The following DYNC2H1 variants were observed in gnomAD, a reference collection of about 807,000 sequenced individuals.
The protein encoded by DYNC2H1 is cytoplasmic dynein 2 heavy chain 1.
Under a neutral mutation model 570.0 loss-of-function variants are expected in DYNC2H1, and 410 were observed. The observed-to-expected ratio is 0.72, with a 90% CI of 0.66 to 0.78. The LOEUF (loss-of-function observed/expected upper bound fraction) is 0.78, where lower values mean the gene tolerates loss of function less well. DYNC2H1 is among the 30% of genes least tolerant of loss of function. DYNC2H1 has a pLI of 0.00. For missense variants in DYNC2H1, 4,865 were observed against 5,046.4 expected, an observed-to-expected ratio of 0.96 and a Z score of 1.09; for synonymous variants, 1,688 against 1,677.6, an observed-to-expected ratio of 1.01 and a Z score of -0.15.
At chr11:103,418,252 ACTATCAT>A (rs1387622016) in intron 84 of DYNC2H1, among the ~76,000 whole-genome samples, 2 of 152,164 alleles carry the variant, frequency 1.3e-5, no homozygotes, top group Non-Finnish European at 2.9e-5. Context: ...TGCAGAGGAT[ACTATCAT>A]CTATTTACAA....
chr11:103,354,287 C>G lies in DYNC2H1; in HGVS notation c.12040-3956C>G, dbSNP rs545590858. 7.9e-4 allele frequency among the ~76,000 whole-genome samples: 118 copies of G among 149,990 alleles called. 1 individual carries two copies. The highest frequency in any genetic ancestry group is 2.7e-3 in the African/African-American group (112 of 40,916). On this transcript the variant is annotated intron_variant, in intron 82 of 88. Transcript: ENST00000375735. Reference sequence around the variant, plus strand: ...ACCCTTGTTTGCATTCTTTTAGATTCATTTTTCCCCTTTTTAAAAAAATTC... The same window carrying G: ...ACCCTTGTTTGCATTCTTTTAGATTGATTTTTCCCCTTTTTAAAAAAATTC...
intron 84 of DYNC2H1, among the ~76,000 whole-genome samples, chr11:103,417,076 G>A (rs750584033): frequency 1.2e-4 from 19 of 152,082 alleles, no homozygotes; most frequent in Non-Finnish European, 1.9e-4. Flanking sequence ...ACCACAATGA[G>A]ATACCATCTC....
Position 103,282,214 on chromosome 11 carries a change from CAT to C in DYNC2H1, c.10798_10799del (p.Met3600ValfsTer5), listed in dbSNP as rs1565459834. The C allele has an allele frequency of 4.4e-6, 7 of 1,608,016 alleles. No individual in the cohort carries two copies. The highest frequency in any genetic ancestry group is 1.1e-5 in the South Asian group (1 of 89,534). ...CGTTTACAGGTGTGGTTGTTGGAGA[CAT>C]GTTACGGAAAGCTGTAAGTTAAAAT... is the stretch of plus-strand genomic sequence containing the variant. The part of the protein sequence containing the change: ...DTFTGVVVGD[M>X]LRKADSQQKI... On this transcript the variant is annotated frameshift_variant, in exon 72 of 89. Coordinates refer to ENST00000375735, the MANE Select transcript of DYNC2H1 (RefSeq NM_001377.3). LOFTEE classifies it high-confidence loss of function.
intron 82 of DYNC2H1, among the ~76,000 whole-genome samples, chr11:103,328,658 A>G (rs1422455134): frequency 6.6e-6 from 1 of 152,228 alleles, no homozygotes; most frequent in African/African-American, 2.4e-5. Context: ...ACATACATTC[A>G]AGGCAATGAC....
intron 82 of DYNC2H1, among the ~76,000 whole-genome samples, chr11:103,356,692 CAA>C (rs984789147): frequency 6.6e-6 from 1 of 151,526 alleles, no homozygotes; most frequent in Non-Finnish European, 1.5e-5. Context: ...ATCAGAAAAA[CAA>C]AAAAAATCAA....
intron 47 of DYNC2H1, among the ~76,000 whole-genome samples, chr11:103,193,154 G>A (rs1340106635): frequency 6.6e-6 from 1 of 152,166 alleles, no homozygotes; most frequent in Non-Finnish European, 1.5e-5. Flanking sequence ...CTGAGTTTTT[G>A]AATCAGGAAA....
chr11:103,131,332 C>T (rs756116076), intron 13 of DYNC2H1, among the ~76,000 whole-genome samples: 31 of 151,860 alleles, frequency 2.0e-4, no homozygotes, highest in South Asian at 4.2e-4. Flanking sequence ...CTAGCTCTGT[C>T]GCCCAGGCTG....
chr11:103,384,140 A>C (rs568848254), intron 83 of DYNC2H1, among the ~76,000 whole-genome samples: 2 of 152,260 alleles, frequency 1.3e-5, no homozygotes, highest in East Asian at 3.9e-4. Flanking sequence ...TTTATCCTTT[A>C]GTGTAAAATG....
intron 63 of DYNC2H1, 42 bp downstream of exon 63, chr11:103,236,581 T>G: frequency 9.3e-7 from 1 of 1,072,480 alleles, no homozygotes; most frequent in African/African-American, 1.6e-5. Context: ...AATGTTTTAT[T>G]GTCAAGCTTG....
intron 88 of DYNC2H1, among the ~76,000 whole-genome samples, chr11:103,471,815 A>G (rs181369973): frequency 9.2e-5 from 14 of 152,260 alleles, no homozygotes; most frequent in African/African-American, 3.4e-4. Flanking sequence ...AGAGTGCTAC[A>G]GTTCGGAATC....
intron 83 of DYNC2H1, among the ~76,000 whole-genome samples, chr11:103,396,354 C>G (rs1180874620): frequency 6.6e-6 from 1 of 152,152 alleles, no homozygotes; most frequent in African/African-American, 2.4e-5. Flanking sequence ...CCCAGTCATA[C>G]CTATTTGTTT....
At chr11:103,396,630 A>G (rs1226624697) in intron 83 of DYNC2H1, among the ~76,000 whole-genome samples, 1 of 152,192 alleles carries the variant, frequency 6.6e-6, no homozygotes, top group African/African-American at 2.4e-5. Context: ...ATAGTATCCC[A>G]CCTAGGAAAT....
intron 75 of DYNC2H1, among the ~76,000 whole-genome samples, chr11:103,301,725 C>T (rs964727389): frequency 2.0e-5 from 3 of 151,798 alleles, no homozygotes; most frequent in African/African-American, 4.8e-5. Flanking sequence ...CTGCTTTAGG[C>T]GTGAAATGTA....
At chr11:103,291,981 G>T (rs1206476938) in intron 75 of DYNC2H1, among the ~76,000 whole-genome samples, 1 of 152,056 alleles carries the variant, frequency 6.6e-6, no homozygotes, top group African/African-American at 2.4e-5. Flanking sequence ...GCAGCATAAA[G>T]TTGGGTCTTA....
intron 83 of DYNC2H1, among the ~76,000 whole-genome samples, chr11:103,360,333 A>G (rs576506941): frequency 6.6e-6 from 1 of 152,266 alleles, no homozygotes; most frequent in East Asian, 1.9e-4. Flanking sequence ...TTCAAATTTC[A>G]GTTCTAGAAC....
chr11:103,191,642 T>TTGTGTGTG (rs146014868), intron 46 of DYNC2H1, 23 bp downstream of exon 46: 623 of 1,368,382 alleles, frequency 4.6e-4, no homozygotes, highest in South Asian at 3.2e-3. Context: ...AGTGTGTATC[T>TTGTGTGTG]TGTGTGTGTG....
At position 103,286,319 on chromosome 11, in the gene DYNC2H1, A is replaced by C. The variant is rs745840077; in HGVS notation, c.10955A>C (p.Tyr3652Ser). The C allele has an allele frequency of 1.9e-6, 3 of 1,613,818 alleles. No homozygotes were observed. Among genetic ancestry groups the C allele is most frequent in the Non-Finnish European group, 2.5e-6 (3 of 1,179,784 alleles). The part of the protein sequence containing the change: ...FEDAALWRTY[Y>S]NNSMCEQEFP... ...GATGCAGCTCTGTGGCGTACTTATT[A>C]TAATAATTCAATGTGTGAGCAAGAG... Residue 3652 changes from tyrosine (Y) to serine (S), a missense_variant, in exon 74 of 89, where the codon TAT (tyrosine) becomes TCT (serine). Tyr to Ser is a moderately radical substitution (Grantham distance 144). Coordinates refer to ENST00000375735, the MANE Select transcript of DYNC2H1 (RefSeq NM_001377.3).
Position 103,189,816 on chromosome 11 carries a change from G to T in DYNC2H1, c.7437G>T (p.Gln2479His). 6.3e-7 allele frequency: 1 copy of T among 1,592,072 alleles called. No individual in the cohort carries two copies. ...GATCTATGGTACAAGTGTATGAACA[G>T]GTAGATATGCATCTAAATTGTAGCT... ...LAGSMVQVYEQVRAKFTVDDY... is the reference protein window; with the variant it reads ...LAGSMVQVYEHVRAKFTVDDY... The change falls in exon 45 of 89, where the codon CAG (glutamine) becomes CAT (histidine). Residue 2479 changes from glutamine (Q) to histidine (H), a missense_variant and splice_region_variant. Around this residue, in one of 5 missense-constraint regions of DYNC2H1, gnomAD observed 2,401 missense variants for 2,454.6 expected, o/e 0.98. Coordinates refer to ENST00000375735, the MANE Select transcript of DYNC2H1 (RefSeq NM_001377.3). This position sits in a 1 kb window ranked among gnomAD's most constrained non-coding sequence, Gnocchi z 4.3.
At chr11:103,365,745 A>G (rs760756697) in intron 83 of DYNC2H1, among the ~76,000 whole-genome samples, 3 of 152,202 alleles carry the variant, frequency 2.0e-5, no homozygotes, top group Non-Finnish European at 2.9e-5. Flanking sequence ...CATGCAAAGA[A>G]ATTATATTTT....
Sources: allele counts gnomAD v4.1 joint callset (sites outside exome capture counted in the v4.1 genomes callset), GRCh38; gene constraint gnomAD v4.1.1; regional missense constraint gnomAD v4.1.1; non-coding constraint Gnocchi (gnomAD v3.1); transcripts MANE v1.5; gene names NCBI Gene and HGNC (gene_info 2026-07-23, HGNC 2026-07-21).